DIPK1A: variants seen among roughly 807,000 people sequenced by gnomAD.
DIPK1A encodes the protein family with sequence similarity 69 member A.
Under a neutral mutation model 40.8 loss-of-function variants are expected in DIPK1A, and 27 were observed. The observed-to-expected ratio is 0.66, with a 90% CI of 0.49 to 0.91. The LOEUF is 0.91. Among genes scored for constraint, DIPK1A ranks in the 40% least tolerant of loss-of-function variants. The pLI, the probability that DIPK1A is intolerant of heterozygous loss-of-function variation, is 0.00. For missense variants in DIPK1A, 412 were observed against 505.7 expected, an observed-to-expected ratio of 0.81 and a Z score of 1.78; for synonymous variants, 166 against 171.3, an observed-to-expected ratio of 0.97 and a Z score of 0.24.
At chr1:92,904,651 TTA>T (rs1167911747) in intron 1 of DIPK1A, among the ~76,000 whole-genome samples, 2 of 152,136 alleles carry the variant, frequency 1.3e-5, no homozygotes, top group African/African-American at 4.8e-5. Context: ...TATTTTTTCT[TTA>T]TGTTATGAAC....
chr1:92,946,643 A>G (rs1232700281), intron 1 of DIPK1A, among the ~76,000 whole-genome samples: 2 of 152,204 alleles, frequency 1.3e-5, no homozygotes, highest in Admixed American at 1.3e-4. Flanking sequence ...TAAACTTGAT[A>G]AATCAAGAAA....
intron 1 of DIPK1A, among the ~76,000 whole-genome samples, chr1:92,948,628 AT>A (rs1024172453): frequency 2.4e-4 from 19 of 78,520 alleles, no homozygotes; most frequent in East Asian, 4.3e-4. Context: ...TTTATTTTAT[AT>A]TTTTTTGTAT....
intron 3 of DIPK1A, among the ~76,000 whole-genome samples, chr1:92,848,600 C>G (rs1345342024): frequency 6.6e-6 from 1 of 152,188 alleles, no homozygotes; most frequent in Non-Finnish European, 1.5e-5. Context: ...GATCCTCTTC[C>G]ACCCCCAGGT....
At chr1:92,838,785 A>T (rs895231847), downstream of DIPK1A, among the ~76,000 whole-genome samples, 1 of 152,192 alleles carries the variant, frequency 6.6e-6, no homozygotes, top group African/African-American at 2.4e-5. Context: ...TGGATTTGTT[A>T]TTTGTTAGTG....
intron 1 of DIPK1A, among the ~76,000 whole-genome samples, chr1:92,921,939 C>T (rs1434735459): frequency 6.6e-6 from 1 of 151,998 alleles, no homozygotes; most frequent in African/African-American, 2.4e-5. Context: ...TAAGACCTCA[C>T]ATTTATTTAT....
chr1:92,934,792 G>A (rs12757307), intron 1 of DIPK1A, among the ~76,000 whole-genome samples: 11,105 of 152,158 alleles, frequency 0.073, 540 homozygotes, highest in Non-Finnish European at 0.11. Context: ...CATCCCTAGG[G>A]ATACAGATTT....
chr1:92,848,740 T>C (rs1311378647), intron 3 of DIPK1A, among the ~76,000 whole-genome samples: 1 of 152,192 alleles, frequency 6.6e-6, no homozygotes, highest in Non-Finnish European at 1.5e-5. Context: ...GCTTTATCTG[T>C]CTCCCTCAGT....
chr1:92,892,492 C>T (rs1648939200), intron 1 of DIPK1A, among the ~76,000 whole-genome samples: 1 of 152,012 alleles, frequency 6.6e-6, no homozygotes, highest in Non-Finnish European at 1.5e-5. Context: ...ACACCAAAAA[C>T]CCACCTGTAC....
intron 1 of DIPK1A, among the ~76,000 whole-genome samples, chr1:92,891,114 T>G (rs1648850791): frequency 6.6e-6 from 1 of 152,170 alleles, no homozygotes; most frequent in Non-Finnish European, 1.5e-5. Context: ...CAGTTCTTCA[T>G]GATACAAAGT....
downstream of DIPK1A, chr1:92,840,687 G>A (rs1334873165): frequency 3.0e-6 from 4 of 1,333,734 alleles, no homozygotes; most frequent in Non-Finnish European, 3.2e-6. Flanking sequence ...GTTGGGAATG[G>A]TTCCCACGTG....
intron 2 of DIPK1A, among the ~76,000 whole-genome samples, chr1:92,866,259 G>T (rs947558737): frequency 3.3e-5 from 5 of 152,106 alleles, no homozygotes; most frequent in African/African-American, 1.2e-4. Flanking sequence ...GTGCCACCAG[G>T]CCCGGCTAAT....
intron 1 of DIPK1A, among the ~76,000 whole-genome samples, chr1:92,948,868 G>A (rs1045654326): frequency 4.7e-5 from 7 of 147,908 alleles, no homozygotes; most frequent in South Asian, 2.1e-4. Context: ...GCAATGGTGC[G>A]ATCTTGGCTC....
At chr1:92,854,357 C>A (rs539796315) in intron 2 of DIPK1A, among the ~76,000 whole-genome samples, 1 of 152,346 alleles carries the variant, frequency 6.6e-6, no homozygotes, top group Admixed American at 6.5e-5. Flanking sequence ...TTGTTCACAA[C>A]TACAAAATAA....
In DIPK1A at chr1:92,833,462, C is replaced by T. The variant is rs761202801; in HGVS notation, c.475-428G>A. ...GTGAAATTTAGAAGACGACGAGGTA[C>T]TGTCACCTTTTTGTGTTTACAATAT... is the stretch of plus-strand genomic sequence containing the variant. On this transcript the variant is annotated intron_variant, in intron 4 of 4. Coordinates refer to the DIPK1A transcript ENST00000615519. 3.1e-6 allele frequency: 5 copies of T among 1,613,664 alleles called. No individual in the cohort carries two copies. The South Asian group carries it at 3.3e-5, about 11-fold the overall frequency.
Position 92,843,492 on chromosome 1 carries a change from C to G in DIPK1A, c.1178G>C (p.Cys393Ser). 1 of 1,551,676 alleles carries G rather than the reference C, an allele frequency of 6.4e-7. No homozygotes were observed. Among genetic ancestry groups the G allele is most frequent in the Non-Finnish European group, 8.7e-7 (1 of 1,146,940 alleles). ...REELEKQLYS[C>S]IALKVTANQM... The stretch of plus-strand genomic sequence containing the variant: ...ATTTGCTGTGACTTTGAGAGCAATA[C>G]AAGAATAAAGCTGCTTTTCTAATTC... Residue 393 changes from cysteine (C) to serine (S), a missense_variant, in exon 5 of 5, where the codon TGT becomes TCT. By Grantham distance (112) the Cys-to-Ser change is moderately radical. Coordinates refer to ENST00000370310, the MANE Select transcript of DIPK1A (RefSeq NM_001006605.5).
At chr1:92,850,511 T>C (rs1464976547) in intron 3 of DIPK1A, among the ~76,000 whole-genome samples, 2 of 151,990 alleles carry the variant, frequency 1.3e-5, no homozygotes, top group Non-Finnish European at 2.9e-5. Flanking sequence ...CGGGACTCTG[T>C]TTCTACAAAA....
chr1:92,924,702 T>A (rs1650419369), intron 1 of DIPK1A, among the ~76,000 whole-genome samples: 1 of 152,208 alleles, frequency 6.6e-6, no homozygotes, highest in Non-Finnish European at 1.5e-5. Context: ...GATGTCGCAG[T>A]AGATAACGTC....
intron 1 of DIPK1A, among the ~76,000 whole-genome samples, chr1:92,896,023 G>T (rs1339049305): frequency 6.6e-6 from 1 of 151,978 alleles, no homozygotes; most frequent in African/African-American, 2.4e-5. Context: ...ACAAATGGAA[G>T]AACATTCCAT....
intron 1 of DIPK1A, among the ~76,000 whole-genome samples, chr1:92,903,282 G>C (rs1571109905): frequency 6.6e-6 from 1 of 152,166 alleles, no homozygotes; most frequent in East Asian, 1.9e-4. Context: ...CTGGGCTCAA[G>C]AAATCCTCCC....
Sources: allele counts gnomAD v4.1 joint callset (sites outside exome capture counted in the v4.1 genomes callset), GRCh38; gene constraint gnomAD v4.1.1; transcripts MANE v1.5; gene names NCBI Gene and HGNC (gene_info 2026-07-23, HGNC 2026-07-21).